FARP1: variants seen among roughly 807,000 people sequenced by gnomAD.
FARP1 encodes the protein FERM, ARH/RhoGEF and pleckstrin domain protein 1, also known as FERM, ARHGEF and pleckstrin domain-containing protein 1.
Under a neutral mutation model 128.8 loss-of-function variants are expected in FARP1, and 52 were observed. The ratio of observed to expected loss-of-function variants is 0.40; its 90% CI spans 0.32 to 0.51. FARP1 has a LOEUF of 0.51. Among genes scored for constraint, FARP1 ranks in the 20% least tolerant of loss-of-function variants. The pLI, the probability that FARP1 is intolerant of heterozygous loss-of-function variation, is 0.45. For missense variants in FARP1, 1,333 were observed against 1,367.9 expected (o/e 0.97, Z 0.40); for synonymous variants, 580 against 551.8 (o/e 1.05, Z -0.72).
At chr13:98,322,237 G>A (rs1297357134) in intron 2 of FARP1, among the ~76,000 whole-genome samples, 1 of 152,238 alleles carries the variant, frequency 6.6e-6, no homozygotes, top group Non-Finnish European at 1.5e-5. Flanking sequence ...GGCAGAGGTT[G>A]CAGTGAGTGG....
rs1020572040 is a variant in FARP1, at chr13:98,453,324, TAAGTG to T, written c.*5008_*5012del. The T allele has an allele frequency of 2.9e-6, 3 of 1,049,318 alleles. No individual in the cohort carries two copies. In the African/African-American group the frequency reaches 4.8e-5, roughly 17 times the overall value. The allele number at this position is 1,049,318 out of a possible 1,614,324, so 65.0% of individuals were successfully genotyped here. A position where few individuals can be genotyped will look rare whatever the true frequency, so the allele number is the denominator to read the frequency against. On this transcript the variant is annotated 3_prime_UTR_variant, in exon 27 of 27. Transcript: ENST00000319562. ...TAAGAAATTCCAAGTCATACAAAAA[TAAGTG>T]GAGCAAATATCAATGTGTAAGTCTA... is the stretch of plus-strand genomic sequence containing the variant.
At chr13:98,248,535 A>C (rs1465920443) in intron 2 of FARP1, among the ~76,000 whole-genome samples, 2 of 152,176 alleles carry the variant, frequency 1.3e-5, no homozygotes, top group African/African-American at 2.4e-5. Context: ...TAAATCTAGG[A>C]TATGCTGAGT....
chr13:98,161,797 C>A (rs1292002364), intron 1 of FARP1, among the ~76,000 whole-genome samples: 1 of 151,728 alleles, frequency 6.6e-6, no homozygotes, highest in Non-Finnish European at 1.5e-5. Flanking sequence ...CCCTTTCTTT[C>A]GAGGCAGGGT....
chr13:98,316,317 C>T (rs1412200153), intron 2 of FARP1, among the ~76,000 whole-genome samples: 4 of 152,204 alleles, frequency 2.6e-5, no homozygotes, highest in Admixed American at 1.3e-4. Flanking sequence ...GGCAGTCAGG[C>T]ACTGCTGGAA....
Position 98,287,208 on chromosome 13 carries a change from C to CTTTTTTTTTTTTTT in FARP1, c.172-56527_172-56514dup, listed in dbSNP as rs71111939. The stretch of plus-strand genomic sequence containing the variant: ...TTTCCAAATTAACCATCAGACATGT[C>CTTTTTTTTTTTTTT]TTTTTTTTTTTTTTTTTTTTTTTTT... On this transcript the variant is annotated intron_variant, in intron 2 of 26. Coordinates refer to ENST00000319562, the MANE Select transcript of FARP1 (RefSeq NM_005766.4). Among the ~76,000 whole-genome samples the CTTTTTTTTTTTTTT allele has an allele frequency of 5.1e-4, 39 of 75,844 alleles. 1 individual carries two copies. Among genetic ancestry groups the CTTTTTTTTTTTTTT allele is most frequent in the Non-Finnish European group, 8.1e-4 (34 of 42,108 alleles). The allele number at this position is 75,844 out of a possible 152,430, so 49.8% of individuals were successfully genotyped here.
chr13:98,341,536 G>A (rs1566897792), intron 2 of FARP1, among the ~76,000 whole-genome samples: 1 of 152,190 alleles, frequency 6.6e-6, no homozygotes, highest in African/African-American at 2.4e-5. Context: ...GGAAGCTGAG[G>A]CAGGAGAATC....
At chr13:98,199,672 T>A (rs570287795) in intron 1 of FARP1, among the ~76,000 whole-genome samples, 25 of 152,326 alleles carry the variant, frequency 1.6e-4, no homozygotes, top group Admixed American at 1.6e-3. Context: ...AGACTTTCCT[T>A]AGTGAGTGGA....
chr13:98,259,310 G>C (rs1352412792), intron 2 of FARP1, among the ~76,000 whole-genome samples: 15 of 148,942 alleles, frequency 1.0e-4, no homozygotes, highest in Admixed American at 8.0e-4. Context: ...TCTATATAGA[G>C]TGTACATATC....
chr13:98,284,332 T>C (rs952622339), intron 2 of FARP1, among the ~76,000 whole-genome samples: 1 of 152,156 alleles, frequency 6.6e-6, no homozygotes. Flanking sequence ...CTTCCTTCTA[T>C]GTATAAATGT....
At chr13:98,284,985 A>G (rs1489095432) in intron 2 of FARP1, among the ~76,000 whole-genome samples, 1 of 152,168 alleles carries the variant, frequency 6.6e-6, no homozygotes, top group Non-Finnish European at 1.5e-5. Flanking sequence ...GAGTCTGTCT[A>G]ATTTATGGTC....
chr13:98,197,779 C>T (rs1879663399), intron 1 of FARP1, among the ~76,000 whole-genome samples: 1 of 151,852 alleles, frequency 6.6e-6, no homozygotes, highest in Non-Finnish European at 1.5e-5. Flanking sequence ...GGTCTACAGG[C>T]ACCCGCCACC....
intron 2 of FARP1, among the ~76,000 whole-genome samples, chr13:98,327,532 AGGCTTCCTTCTCTT>A (rs751594985): frequency 3.3e-5 from 5 of 152,252 alleles, no homozygotes; most frequent in African/African-American, 4.8e-5. Context: ...GCTAAATCTC[AGGCTTCCTTCTCTT>A]GGCCAGATTT....
chr13:98,274,847 T>A (rs372794793), intron 2 of FARP1, among the ~76,000 whole-genome samples: 1 of 152,222 alleles, frequency 6.6e-6, no homozygotes, highest in Non-Finnish European at 1.5e-5. Context: ...TCCTTTAATA[T>A]GTTAGGGTTT....
intron 2 of FARP1, among the ~76,000 whole-genome samples, chr13:98,313,443 C>T (rs1886580824): frequency 1.3e-5 from 2 of 152,176 alleles, no homozygotes; most frequent in Admixed American, 1.3e-4. Context: ...GGCTTGCCAG[C>T]GCCACCAGGA....
At chr13:98,447,006 C>T in intron 26 of FARP1, 189 bp downstream of exon 26, 1 of 602,386 alleles carries the variant, frequency 1.7e-6, no homozygotes, top group Admixed American at 2.9e-5. Context: ...GGGGTCCCAA[C>T]TTCCCTGCGC....
intron 1 of FARP1, among the ~76,000 whole-genome samples, chr13:98,143,777 G>C (rs1875271608): frequency 6.6e-6 from 1 of 151,472 alleles, no homozygotes; most frequent in Admixed American, 6.6e-5. Flanking sequence ...GCGGGGCTCC[G>C]CGCCGGTCCC....
chr13:98,157,119 GT>G (rs941679726), intron 1 of FARP1, among the ~76,000 whole-genome samples: 1 of 152,186 alleles, frequency 6.6e-6, no homozygotes, highest in Non-Finnish European at 1.5e-5. Context: ...ATGCTCACTT[GT>G]AAAAGTAGTT....
At chr13:98,307,960 T>C (rs1475544611) in intron 2 of FARP1, among the ~76,000 whole-genome samples, 3 of 151,818 alleles carry the variant, frequency 2.0e-5, no homozygotes, top group East Asian at 1.9e-4. Flanking sequence ...TCCTGCCTTA[T>C]GTTCCTTAGC....
At chr13:98,210,623 C>G (rs1043703061) in intron 1 of FARP1, among the ~76,000 whole-genome samples, 26 of 151,322 alleles carry the variant, frequency 1.7e-4, no homozygotes, top group African/African-American at 6.3e-4. Flanking sequence ...GATCTTGGCT[C>G]ACTGCAACCT....
Sources: allele counts gnomAD v4.1 joint callset (sites outside exome capture counted in the v4.1 genomes callset), GRCh38; gene constraint gnomAD v4.1.1; transcripts MANE v1.5; gene names NCBI Gene and HGNC (gene_info 2026-07-23, HGNC 2026-07-21).